Variants in FIP1L1 observed in about 807,000 individuals in gnomAD.
FIP1L1 encodes the protein factor interacting with PAPOLA and CPSF1.
FIP1L1 carries 21 observed loss-of-function variants against 84.6 expected under a neutral mutation model. That is an observed-to-expected ratio of 0.25 (90% CI 0.18 to 0.36). The LOEUF (loss-of-function observed/expected upper bound fraction) is 0.36. Among genes scored for constraint, FIP1L1 ranks in the 10% least tolerant of loss-of-function variants. FIP1L1 has a pLI of 1.00. For missense variants in FIP1L1, 526 were observed against 751.1 expected, an observed-to-expected ratio of 0.70 and a Z score of 3.50; for synonymous variants, 263 against 242.3, an observed-to-expected ratio of 1.09 and a Z score of -0.80.
chr4:53,419,144 G>T (rs1246659132), intron 11 of FIP1L1, among the ~76,000 whole-genome samples: 6 of 152,146 alleles, frequency 3.9e-5, no homozygotes, highest in African/African-American at 1.4e-4. Context: ...TCCAAGCTCT[G>T]TACAAAAGTG....
chr4:53,412,594 G>A (rs2149727968), intron 10 of FIP1L1, among the ~76,000 whole-genome samples: 1 of 152,104 alleles, frequency 6.6e-6, no homozygotes. Context: ...TTCAGGTTTT[G>A]CTTTTTGGGC....
chr4:53,434,093 C>T (rs1192930695), intron 13 of FIP1L1, among the ~76,000 whole-genome samples: 1 of 151,934 alleles, frequency 6.6e-6, no homozygotes, highest in Non-Finnish European at 1.5e-5. Flanking sequence ...TTGGTTACGT[C>T]TTCTTTAAAC....
At chr4:53,449,588 T>A (rs548727280) in intron 15 of FIP1L1, among the ~76,000 whole-genome samples, 42 of 152,300 alleles carry the variant, frequency 2.8e-4, no homozygotes, top group Non-Finnish European at 5.3e-4. Flanking sequence ...TCCCTTTATT[T>A]ATACTGCCCT....
chr4:53,404,473 C>T (rs1309844976), intron 10 of FIP1L1, among the ~76,000 whole-genome samples: 2 of 152,072 alleles, frequency 1.3e-5, no homozygotes, highest in Admixed American at 6.5e-5. Flanking sequence ...AATAGACATA[C>T]GTGTGCATGT....
chr4:53,437,368 C>T (rs1376446888), intron 13 of FIP1L1, among the ~76,000 whole-genome samples: 2 of 140,558 alleles, frequency 1.4e-5, no homozygotes, highest in Admixed American at 7.1e-5. Context: ...GAGAAATCAT[C>T]TTCTCTTTTG....
At chr4:53,399,546 C>G (rs755232234) in intron 9 of FIP1L1, among the ~76,000 whole-genome samples, 184 bp from the exon 10 acceptor site, 38 of 152,130 alleles carry the variant, frequency 2.5e-4, no homozygotes, top group Admixed American at 4.6e-4. Context: ...TGATCCCATA[C>G]TCTCTTTGGT....
At chr4:53,429,568 A>G (rs1420939117) in intron 13 of FIP1L1, among the ~76,000 whole-genome samples, 1 of 152,206 alleles carries the variant, frequency 6.6e-6, no homozygotes, top group Non-Finnish European at 1.5e-5. Flanking sequence ...GATACTAAAA[A>G]AATTATTAAT....
intron 11 of FIP1L1, among the ~76,000 whole-genome samples, chr4:53,420,409 A>T (rs1316863495): frequency 1.4e-5 from 2 of 145,474 alleles, no homozygotes; most frequent in Non-Finnish European, 3.0e-5. Context: ...AACCTGGGCA[A>T]CAAGAGTGAA....
At chr4:53,410,209 A>AT (rs1756444198) in intron 10 of FIP1L1, among the ~76,000 whole-genome samples, 2 of 152,234 alleles carry the variant, frequency 1.3e-5, no homozygotes, top group African/African-American at 4.8e-5. Flanking sequence ...ATAGAGTAAG[A>AT]GAAGACAACA....
chr4:53,404,101 C>G (rs1191124692), intron 10 of FIP1L1, among the ~76,000 whole-genome samples: 1 of 151,270 alleles, frequency 6.6e-6, no homozygotes, highest in Non-Finnish European at 1.5e-5. Flanking sequence ...TGCTGGTGTG[C>G]TGCACCCACT....
intron 13 of FIP1L1, among the ~76,000 whole-genome samples, chr4:53,431,214 A>G (rs1766504400): frequency 6.6e-6 from 1 of 152,218 alleles, no homozygotes; most frequent in Non-Finnish European, 1.5e-5. Context: ...ACGGCTGCAT[A>G]GATATATGCC....
chr4:53,411,987 A>AC (rs149607200), intron 10 of FIP1L1, among the ~76,000 whole-genome samples: 2,738 of 152,014 alleles, frequency 0.018, 83 homozygotes, highest in African/African-American at 0.063. Context: ...CGTTTTTATT[A>AC]CCCCCAAAAG....
Position 53,459,302 on chromosome 4 carries a change from TAA to T in FIP1L1, c.1639_1640del (p.Asn547Ter). On this transcript the variant is annotated frameshift_variant and splice_region_variant, in exon 18 of 18. Transcript: ENST00000337488. LOFTEE classifies it high-confidence loss of function. ...EETRHKSSRS[N>X]SRRRHESEEG... ...CTTTTTTTTTTTTTTTTTTTTCCAG[TAA>T]TAGTAGACGTCGCCATGAAAGTGAA... is the stretch of plus-strand genomic sequence containing the variant. The T allele has an allele frequency of 1.5e-6, 2 of 1,308,542 alleles. No homozygotes were observed. Among genetic ancestry groups the T allele is most frequent in the Admixed American group, 2.3e-5 (1 of 44,028 alleles). The allele number at this position is 1,308,542 out of a possible 1,614,324, so 81.1% of individuals were successfully genotyped here. A position where few individuals can be genotyped will look rare whatever the true frequency, so the allele number is the denominator to read the frequency against.
intron 1 of FIP1L1, 131 bp from the exon 2 acceptor site, chr4:53,378,942 A>C: frequency 1.1e-6 from 1 of 873,738 alleles, no homozygotes; most frequent in Non-Finnish European, 1.8e-6. Flanking sequence ...TCTTTTACAA[A>C]GATCTGGAAA....
intron 13 of FIP1L1, among the ~76,000 whole-genome samples, chr4:53,433,756 G>A (rs1159795889): frequency 6.6e-5 from 10 of 151,986 alleles, no homozygotes; most frequent in Non-Finnish European, 4.4e-5. Flanking sequence ...TTAGCTATAG[G>A]GTTTAACTGT....
intron 10 of FIP1L1, among the ~76,000 whole-genome samples, chr4:53,405,793 G>A (rs1202718953): frequency 6.6e-6 from 1 of 150,628 alleles, no homozygotes; most frequent in Non-Finnish European, 1.5e-5. Flanking sequence ...GTTCACTCAT[G>A]ATTTGGCTCT....
At chr4:53,402,681 G>A (rs1469338204) in intron 10 of FIP1L1, among the ~76,000 whole-genome samples, 2 of 152,176 alleles carry the variant, frequency 1.3e-5, no homozygotes, top group African/African-American at 2.4e-5. Context: ...CAGCCTTGGC[G>A]ACAGAGTGAG....
chr4:53,456,372 G>T (rs1718930666), intron 16 of FIP1L1, among the ~76,000 whole-genome samples: 1 of 152,068 alleles, frequency 6.6e-6, no homozygotes, highest in Non-Finnish European at 1.5e-5. Flanking sequence ...TTGATATTCA[G>T]GTTGCTGAAC....
intron 10 of FIP1L1, among the ~76,000 whole-genome samples, chr4:53,408,046 G>T (rs552898822): frequency 8.5e-5 from 13 of 152,282 alleles, no homozygotes; most frequent in South Asian, 4.1e-4. Flanking sequence ...TATGATGTTA[G>T]CTGGTTATTT....
Sources: allele counts gnomAD v4.1 joint callset (sites outside exome capture counted in the v4.1 genomes callset), GRCh38; gene constraint gnomAD v4.1.1; transcripts MANE v1.5; gene names NCBI Gene and HGNC (gene_info 2026-07-23, HGNC 2026-07-21).